The following CHLSN variants were observed in gnomAD, a reference collection of about 807,000 sequenced individuals.
CHLSN encodes cholesin.
At chr7:1,097,183 T>G in the CHLSN span, among the ~76,000 whole-genome samples, 1 of 152,138 alleles carries the variant, frequency 6.6e-6, no homozygotes, top group Non-Finnish European at 1.5e-5. This position sits in a 1 kb window ranked among gnomAD's most constrained non-coding sequence, Gnocchi z 4.3. Context: ...CCAAGCTCTA[T>G]CTCTGCAGCC....
the CHLSN span, among the ~76,000 whole-genome samples, chr7:1,107,660 T>A: frequency 6.6e-6 from 1 of 152,224 alleles, no homozygotes; most frequent in Admixed American, 6.5e-5. Flanking sequence ...TCCCCACAAC[T>A]GTACCACCGT....
the CHLSN span, among the ~76,000 whole-genome samples, chr7:1,065,532 A>G: frequency 6.6e-6 from 1 of 152,172 alleles, no homozygotes; most frequent in Non-Finnish European, 1.5e-5. Flanking sequence ...ACCTCACAAA[A>G]CATGCAGCTG....
chr7:1,036,263 G>A, the CHLSN span, among the ~76,000 whole-genome samples: 3 of 152,164 alleles, frequency 2.0e-5, no homozygotes, highest in Non-Finnish European at 4.4e-5. Flanking sequence ...TGCGGACTTC[G>A]GGCGGTTGTG....
the CHLSN span, among the ~76,000 whole-genome samples, chr7:1,126,291 C>T: frequency 1.6e-5 from 2 of 127,906 alleles, no homozygotes; most frequent in Non-Finnish European, 3.1e-5. Flanking sequence ...ACCTGGGAGG[C>T]GGAGCTGGCA....
At chr7:1,093,622 T>C in the CHLSN span, 1 of 471,124 alleles carries the variant, frequency 2.1e-6, no homozygotes, top group African/African-American at 2.0e-5. Context: ...CCGTGCGAGC[T>C]GCCGTGTGGG....
the CHLSN span, among the ~76,000 whole-genome samples, chr7:1,001,397 G>T: frequency 6.7e-6 from 1 of 149,278 alleles, no homozygotes; most frequent in Non-Finnish European, 1.5e-5. Context: ...TCCTGTGGGT[G>T]GGGAGTCCTG....
At chr7:1,007,355 G>A in the CHLSN span, among the ~76,000 whole-genome samples, 3 of 152,240 alleles carry the variant, frequency 2.0e-5, no homozygotes, top group South Asian at 2.1e-4. Flanking sequence ...TACCTTCACC[G>A]CTGCCCCTGG....
the CHLSN span, chr7:1,058,511 G>A: frequency 2.6e-6 from 2 of 778,450 alleles, no homozygotes; most frequent in Admixed American, 1.7e-5. Context: ...AGCAGGTGCT[G>A]GCGTAGGCGG....
the CHLSN span, among the ~76,000 whole-genome samples, chr7:1,123,300 A>T: frequency 1.3e-5 from 2 of 152,220 alleles, no homozygotes; most frequent in African/African-American, 4.8e-5. The surrounding 1 kb of genome is among the most constrained non-coding windows in gnomAD (Gnocchi z 4.4). Context: ...TCCTGGCGCA[A>T]GCTCAGAGTG....
chr7:1,125,727 A>G, the CHLSN span, among the ~76,000 whole-genome samples: 25 of 152,248 alleles, frequency 1.6e-4, 1 homozygote. Flanking sequence ...CTCTCGAGCA[A>G]TGACAGCGCG....
At chr7:1,066,214 T>C in the CHLSN span, among the ~76,000 whole-genome samples, 1 of 149,086 alleles carries the variant, frequency 6.7e-6, no homozygotes, top group African/African-American at 2.4e-5. Flanking sequence ...TCCCCCAGAA[T>C]TTCCCCAGGC....
chr7:1,073,876 C>T, the CHLSN span, among the ~76,000 whole-genome samples: 1 of 56,510 alleles, frequency 1.8e-5, no homozygotes, highest in Non-Finnish European at 3.6e-5. Context: ...TGACGCCCGC[C>T]CCGACCCCGC....
the CHLSN span, chr7:987,286 C>G: frequency 1.3e-6 from 2 of 1,507,768 alleles, no homozygotes; most frequent in East Asian, 4.9e-5. Flanking sequence ...CTTCTGCCCC[C>G]GGGGGACCCC....
At chr7:1,091,933 C>A in the CHLSN span, 1 of 1,614,096 alleles carries the variant, frequency 6.2e-7, no homozygotes, top group African/African-American at 1.3e-5. Flanking sequence ...CACCATCTTC[C>A]TCTTCCCCAT....
At chr7:1,015,637 G>A in the CHLSN span, among the ~76,000 whole-genome samples, 6 of 152,326 alleles carry the variant, frequency 3.9e-5, no homozygotes, top group East Asian at 9.6e-4. Flanking sequence ...TGACCCAGGA[G>A]AGCAGGGAGG....
At chr7:1,084,771 G>A in the CHLSN span, among the ~76,000 whole-genome samples, 2 of 152,236 alleles carry the variant, frequency 1.3e-5, no homozygotes, top group Non-Finnish European at 2.9e-5. Context: ...CACACAGCAC[G>A]TGGGGTGAGG....
chr7:1,062,795 A>G, the CHLSN span, among the ~76,000 whole-genome samples: 2 of 152,068 alleles, frequency 1.3e-5, no homozygotes, highest in Admixed American at 6.5e-5. Flanking sequence ...CACGGTCCGC[A>G]CTCCGTCAGG....
chr7:1,077,238 C>A, the CHLSN span, among the ~76,000 whole-genome samples: 1 of 152,354 alleles, frequency 6.6e-6, no homozygotes, highest in African/African-American at 2.4e-5. Context: ...TCACCGCAAG[C>A]TCCGCCTCCC....
At chr7:1,115,907 G>A in the CHLSN span, among the ~76,000 whole-genome samples, 4 of 114,944 alleles carry the variant, frequency 3.5e-5, 1 homozygote, top group Admixed American at 3.8e-4. Context: ...CAACGCCCAC[G>A]CAGGATGACA....
Sources: gnomAD v4.1 joint callset for allele counts (sites outside exome capture counted in the v4.1 genomes callset) on GRCh38, gnomAD v4.1.1 for gene constraint, Gnocchi (gnomAD v3.1) non-coding constraint, MANE v1.5 for transcripts, NCBI Gene and HGNC (gene_info 2026-07-23, HGNC 2026-07-21) for gene names.